The following UBE2R2 variants were observed in gnomAD, a reference collection of about 807,000 sequenced individuals.
The protein encoded by UBE2R2 is ubiquitin conjugating enzyme E2 R2.
Under a neutral mutation model 27.8 loss-of-function variants are expected in UBE2R2, and 1 was observed. The ratio of observed to expected loss-of-function variants is 0.04; its 90% CI spans 0.01 to 0.17. UBE2R2 has a LOEUF of 0.17. Among genes scored for constraint, UBE2R2 ranks in the 10% least tolerant of loss-of-function variants. The pLI, the probability that UBE2R2 is intolerant of heterozygous loss-of-function variation, is 1.00. For missense variants in UBE2R2, 100 were observed against 291.0 expected (o/e 0.34, Z 4.78); for synonymous variants, 106 against 113.3 (o/e 0.94, Z 0.41).
intron 1 of UBE2R2, among the ~76,000 whole-genome samples, chr9:33,832,315 A>AG (rs1030367527): frequency 7.6e-5 from 11 of 145,024 alleles, no homozygotes; most frequent in Admixed American, 4.1e-4. Context: ...TCTCAAAAAA[A>AG]AAAAGAAAAG....
upstream of UBE2R2, among the ~76,000 whole-genome samples, chr9:33,816,944 A>G (rs1054709228): frequency 2.0e-5 from 3 of 151,834 alleles, no homozygotes; most frequent in African/African-American, 7.3e-5. Flanking sequence ...TGGGCGGGGG[A>G]CACGCGCCAG....
intron 4 of UBE2R2, among the ~76,000 whole-genome samples, chr9:33,912,552 A>G (rs1443313128): frequency 6.6e-6 from 1 of 150,930 alleles, no homozygotes; most frequent in Non-Finnish European, 1.5e-5. Context: ...TGAACCCGGG[A>G]GTTGAATGTT....
chr9:33,854,370 A>G (rs1442397489), intron 1 of UBE2R2, among the ~76,000 whole-genome samples: 1 of 150,886 alleles, frequency 6.6e-6, no homozygotes, highest in Non-Finnish European at 1.5e-5. Flanking sequence ...TCCAGGCTGG[A>G]GTGCAATGGT....
intron 2 of UBE2R2, among the ~76,000 whole-genome samples, chr9:33,889,661 C>A (rs941404336): frequency 3.3e-5 from 5 of 152,156 alleles, no homozygotes; most frequent in African/African-American, 1.2e-4. Context: ...TGAGAAGGAG[C>A]AAACTTTTGT....
intron 1 of UBE2R2, among the ~76,000 whole-genome samples, chr9:33,833,537 A>G (rs983523808): frequency 1.3e-5 from 2 of 152,206 alleles, no homozygotes; most frequent in Non-Finnish European, 2.9e-5. Context: ...ACTTAACAAT[A>G]AAAAATGTTC....
intron 4 of UBE2R2, 115 bp from the exon 5 acceptor site, chr9:33,916,903 G>A: frequency 6.9e-7 from 1 of 1,445,094 alleles, no homozygotes. Context: ...CTTTCAGGCA[G>A]GTACTGAAGT....
intron 1 of UBE2R2, among the ~76,000 whole-genome samples, chr9:33,854,680 A>G (rs1587446847): frequency 1.3e-5 from 2 of 149,882 alleles, no homozygotes; most frequent in South Asian, 4.2e-4. Context: ...CTACATGATT[A>G]GTTTCTGAGA....
At chr9:33,817,034 A>G (rs1322201600), upstream of UBE2R2, among the ~76,000 whole-genome samples, 4 of 120,688 alleles carry the variant, frequency 3.3e-5, no homozygotes, top group Non-Finnish European at 5.0e-5. Flanking sequence ...AGTGGAGGAG[A>G]GCCAGGCACG....
rs551504933 is a variant in UBE2R2, at chr9:33,918,487, T to C, written c.*1250T>C. On this transcript the variant is annotated 3_prime_UTR_variant, in exon 5 of 5. Transcript: ENST00000263228. ...GCTGAGGGAGTTGACTGCAGGCAGTTTTTAGGCCAGATAAGGCTAGATCTT... is the reference window on the plus strand; with the variant it reads ...GCTGAGGGAGTTGACTGCAGGCAGTCTTTAGGCCAGATAAGGCTAGATCTT... 2.0e-5 allele frequency: 3 copies of C among 151,898 alleles called. No homozygotes were observed. Among genetic ancestry groups the C allele is most frequent in the Admixed American group, 1.3e-4 (2 of 15,228 alleles). 9.4% of individuals were successfully genotyped at this position (151,898 alleles called of 1,614,324 possible).
chr9:33,898,332 A>G (rs1822168883), intron 2 of UBE2R2, among the ~76,000 whole-genome samples: 1 of 151,920 alleles, frequency 6.6e-6, no homozygotes, highest in African/African-American at 2.4e-5. Flanking sequence ...TGCCTGCCTC[A>G]GCCTCCCAAA....
intron 1 of UBE2R2, among the ~76,000 whole-genome samples, chr9:33,861,964 C>G (rs1006847357): frequency 6.6e-6 from 1 of 150,956 alleles, no homozygotes; most frequent in African/African-American, 2.4e-5. Context: ...AGTGATTCTC[C>G]TGCCTCAGCC....
intron 3 of UBE2R2, among the ~76,000 whole-genome samples, chr9:33,901,720 C>A (rs1372924043): frequency 6.6e-6 from 1 of 152,026 alleles, no homozygotes; most frequent in Non-Finnish European, 1.5e-5. Flanking sequence ...GTTACTCATT[C>A]CTTTGGGTAC....
intron 1 of UBE2R2, among the ~76,000 whole-genome samples, chr9:33,831,870 A>G (rs759562508): frequency 2.0e-5 from 3 of 151,868 alleles, no homozygotes; most frequent in Non-Finnish European, 4.4e-5. Context: ...CATGTTGATC[A>G]GGCTGGTCTC....
intron 1 of UBE2R2, among the ~76,000 whole-genome samples, chr9:33,842,791 C>G (rs943859987): frequency 2.6e-5 from 4 of 152,062 alleles, no homozygotes; most frequent in Admixed American, 6.6e-5. Flanking sequence ...TACAATTGCA[C>G]AGTTAACTGG....
At chr9:33,877,105 G>T (rs1278644569) in intron 1 of UBE2R2, among the ~76,000 whole-genome samples, 2 of 150,210 alleles carry the variant, frequency 1.3e-5, no homozygotes, top group Non-Finnish European at 3.0e-5. Flanking sequence ...ACAACAGAGC[G>T]AAACTCCATC....
intron 1 of UBE2R2, among the ~76,000 whole-genome samples, chr9:33,883,461 A>G (rs1016335694): frequency 6.6e-6 from 1 of 152,178 alleles, no homozygotes; most frequent in African/African-American, 2.4e-5. Context: ...CATGTCTGTA[A>G]TCCCAGCACT....
At chr9:33,854,220 T>C (rs1252448641) in intron 1 of UBE2R2, among the ~76,000 whole-genome samples, 3 of 152,188 alleles carry the variant, frequency 2.0e-5, no homozygotes, top group Non-Finnish European at 4.4e-5. Context: ...GTTATTTGGA[T>C]TTTATTGAGG....
At chr9:33,828,136 C>A (rs1820356280) in intron 1 of UBE2R2, among the ~76,000 whole-genome samples, 4 of 151,558 alleles carry the variant, frequency 2.6e-5, no homozygotes, top group Admixed American at 2.6e-4. Flanking sequence ...AACCCTATCT[C>A]TACTGAAAAT....
intron 1 of UBE2R2, among the ~76,000 whole-genome samples, chr9:33,870,237 G>C (rs1353955729): frequency 6.6e-6 from 1 of 152,058 alleles, no homozygotes; most frequent in African/African-American, 2.4e-5. Context: ...CTGCCTCCTG[G>C]GTTCAAGCGA....
Sources: allele counts gnomAD v4.1 joint callset (sites outside exome capture counted in the v4.1 genomes callset), GRCh38; gene constraint gnomAD v4.1.1; transcripts MANE v1.5; gene names NCBI Gene and HGNC (gene_info 2026-07-23, HGNC 2026-07-21).